Variants in ANKS1B observed in about 807,000 individuals in gnomAD.
The protein encoded by ANKS1B is ankyrin repeat and sterile alpha motif domain containing 1B, also known as ankyrin repeat and sterile alpha motif domain-containing protein 1B.
ANKS1B carries 36 observed loss-of-function variants against 148.3 expected under a neutral mutation model. That is an observed-to-expected ratio of 0.24 (90% CI 0.19 to 0.32). The LOEUF is 0.32. Ranked by LOEUF, ANKS1B falls within the 10% of genes least tolerant of loss-of-function variation. The pLI, the probability that ANKS1B is intolerant of heterozygous loss-of-function variation, is 1.00. For synonymous variants in ANKS1B, 542 were observed against 560.8 expected (o/e 0.97, Z 0.47); for missense variants, 1,157 against 1,542.6 (o/e 0.75, Z 4.19).
intron 17 of ANKS1B, among the ~76,000 whole-genome samples, chr12:98,921,651 G>A (rs1334866980): frequency 1.3e-5 from 2 of 152,070 alleles, no homozygotes; most frequent in African/African-American, 4.8e-5. Context: ...GGACTAGAAG[G>A]GTTCCTGGGT....
chr12:99,481,023 G>A lies in ANKS1B; in HGVS notation c.1438+23453C>T, dbSNP rs186880369. 5.4e-4 allele frequency among the ~76,000 whole-genome samples: 81 copies of A among 150,646 alleles called. 1 individual carries two copies. Among genetic ancestry groups the A allele is most frequent in the Non-Finnish European group, 2.1e-4 (14 of 67,466 alleles). On this transcript the variant is annotated intron_variant, in intron 10 of 26. Transcript: ENST00000683438. ...TTTTTTTTTACTGTTAAGAGCAAAT[G>A]TCTTTTTTTAAAAAAAAATTCAATA...
intron 17 of ANKS1B, among the ~76,000 whole-genome samples, chr12:98,930,613 A>G (rs1016145531): frequency 6.6e-6 from 1 of 152,162 alleles, no homozygotes; most frequent in African/African-American, 2.4e-5. Context: ...AAAATGAAGT[A>G]CTTATACATA....
At chr12:99,736,086 A>C (rs1033361578) in intron 8 of ANKS1B, among the ~76,000 whole-genome samples, 1 of 152,122 alleles carries the variant, frequency 6.6e-6, no homozygotes, top group Non-Finnish European at 1.5e-5. Context: ...AATTCTCAAC[A>C]AGCTAGCATA....
chr12:99,379,880 A>G (rs1185095922), intron 12 of ANKS1B, among the ~76,000 whole-genome samples: 2 of 152,200 alleles, frequency 1.3e-5, no homozygotes, highest in Non-Finnish European at 2.9e-5. Context: ...ATGTGTTCTG[A>G]AAGTTGTATG....
At chr12:99,297,311 C>T (rs188803654) in intron 12 of ANKS1B, among the ~76,000 whole-genome samples, 9 of 152,126 alleles carry the variant, frequency 5.9e-5, no homozygotes, top group Admixed American at 3.9e-4. Context: ...ATTTCTTGAG[C>T]CCTATCCATG....
At chr12:99,097,570 T>C (rs942921517) in intron 15 of ANKS1B, 1 of 152,204 alleles carries the variant, frequency 6.6e-6, no homozygotes, top group African/African-American at 2.4e-5. Flanking sequence ...AGGTTGATTA[T>C]AACAACCAAA....
chr12:99,213,327 T>C (rs1009959793), intron 14 of ANKS1B, among the ~76,000 whole-genome samples: 1 of 152,216 alleles, frequency 6.6e-6, no homozygotes, highest in Non-Finnish European at 1.5e-5. Flanking sequence ...CACAAACTGC[T>C]TTATTTCAAA....
chr12:99,035,044 A>G (rs978093562), intron 17 of ANKS1B, among the ~76,000 whole-genome samples: 1 of 152,124 alleles, frequency 6.6e-6, no homozygotes, highest in Non-Finnish European at 1.5e-5. Flanking sequence ...TTAGAAAACA[A>G]CACCCCAAAA....
chr12:99,556,519 C>T (rs1167392510), intron 9 of ANKS1B, among the ~76,000 whole-genome samples: 2 of 151,840 alleles, frequency 1.3e-5, no homozygotes, highest in Non-Finnish European at 2.9e-5. Context: ...TTTCTAGTTC[C>T]TCTAGGTGTG....
rs551171007 is a variant in ANKS1B, at chr12:99,469,937, T to C, written c.1439-26128A>G. ...GAGTTCCAGACAAGCCTGGGCAACA[T>C]AGGAGACCCCCGTATCTTCAAAAAT... On this transcript the variant is annotated intron_variant, in intron 10 of 26. Transcript: ENST00000683438. 1.1e-3 allele frequency among the ~76,000 whole-genome samples: 173 copies of C among 151,854 alleles called. 1 individual carries two copies. The highest frequency in any genetic ancestry group is 2.1e-3 in the Non-Finnish European group (144 of 67,918).
At chr12:98,840,171 A>C (rs914935995) in intron 17 of ANKS1B, among the ~76,000 whole-genome samples, 2 of 152,170 alleles carry the variant, frequency 1.3e-5, no homozygotes, top group Non-Finnish European at 2.9e-5. Context: ...TCTACTCTCA[A>C]GAGTCTTCTA....
chr12:99,138,885 C>G (rs1470922373), intron 15 of ANKS1B, among the ~76,000 whole-genome samples: 1 of 152,102 alleles, frequency 6.6e-6, no homozygotes, highest in Non-Finnish European at 1.5e-5. Flanking sequence ...CCATCTCCAT[C>G]ATATTCAGCT....
chr12:98,836,439 C>A (rs1021680078), intron 17 of ANKS1B, among the ~76,000 whole-genome samples: 37 of 152,242 alleles, frequency 2.4e-4, no homozygotes, highest in African/African-American at 6.0e-4. Context: ...GAGAGGGTGA[C>A]AGTGGGCTTC....
intron 1 of ANKS1B, among the ~76,000 whole-genome samples, chr12:99,911,521 A>G (rs1401478120): frequency 6.6e-6 from 1 of 152,212 alleles, no homozygotes. Context: ...CTATGAGTTT[A>G]CGACTATTAT....
chr12:98,997,023 A>C (rs1323655966), intron 17 of ANKS1B, among the ~76,000 whole-genome samples: 1 of 152,112 alleles, frequency 6.6e-6, no homozygotes, highest in African/African-American at 2.4e-5. Flanking sequence ...GATTGGATAG[A>C]TGTTTACTAA....
intron 25 of ANKS1B, among the ~76,000 whole-genome samples, chr12:98,753,880 G>A (rs972242619): frequency 7.9e-5 from 12 of 152,210 alleles, no homozygotes; most frequent in Admixed American, 7.2e-4. Context: ...CTGGGAGCCC[G>A]ATTCCCACAC....
chr12:99,836,020 G>A (rs2084804210), intron 1 of ANKS1B, among the ~76,000 whole-genome samples: 1 of 152,130 alleles, frequency 6.6e-6, no homozygotes, highest in Non-Finnish European at 1.5e-5. Flanking sequence ...TTTATTGAAT[G>A]AATATTTACT....
intron 14 of ANKS1B, among the ~76,000 whole-genome samples, chr12:99,214,565 G>A (rs1476059313): frequency 6.6e-6 from 1 of 152,166 alleles, no homozygotes; most frequent in Non-Finnish European, 1.5e-5. Flanking sequence ...TTTGCCTTCT[G>A]CCATGATTGT....
intron 12 of ANKS1B, among the ~76,000 whole-genome samples, chr12:99,368,335 T>C (rs1438799274): frequency 1.3e-5 from 2 of 152,064 alleles, no homozygotes; most frequent in Non-Finnish European, 2.9e-5. Flanking sequence ...TTATGCAATA[T>C]AGCCATGTAA....
Sources: allele counts gnomAD v4.1 joint callset (sites outside exome capture counted in the v4.1 genomes callset), GRCh38; gene constraint gnomAD v4.1.1; transcripts MANE v1.5; gene names NCBI Gene and HGNC (gene_info 2026-07-23, HGNC 2026-07-21).